The following CEP120 variants were observed in gnomAD, a reference collection of about 807,000 sequenced individuals.
The protein encoded by CEP120 is centrosomal protein 120.
In CEP120, 113 loss-of-function variants were observed where a neutral mutation model predicts 126.5. That is an observed-to-expected ratio of 0.89 (90% CI 0.77 to 1.04). The LOEUF (loss-of-function observed/expected upper bound fraction) is 1.04, where lower values mean the gene tolerates loss of function less well. CEP120 is among the 50% of genes least tolerant of loss of function. The pLI, the probability that CEP120 is intolerant of heterozygous loss-of-function variation, is 0.00. For synonymous variants in CEP120, 400 were observed against 394.3 expected (o/e 1.01, Z -0.17); for missense variants, 1,230 against 1,155.7 (o/e 1.06, Z -0.93).
chr5:123,384,745 G>A (rs1006571307), intron 11 of CEP120, among the ~76,000 whole-genome samples: 1 of 152,130 alleles, frequency 6.6e-6, no homozygotes, highest in Non-Finnish European at 1.5e-5. Context: ...TGACTTCTGT[G>A]AGGTGAAATC....
chr5:123,356,663 T>G (rs1414658530), intron 18 of CEP120, among the ~76,000 whole-genome samples: 2 of 152,120 alleles, frequency 1.3e-5, no homozygotes, highest in African/African-American at 4.8e-5. Context: ...CATTTTTAAC[T>G]CTTTTTTTTA....
At chr5:123,403,556 C>A (rs1056494407) in intron 4 of CEP120, 1 of 321,238 alleles carries the variant, frequency 3.1e-6, no homozygotes, top group Non-Finnish European at 6.0e-6. Context: ...CATAATTTCA[C>A]AATTCTGCCC....
chr5:123,382,735 A>G lies in CEP120; in HGVS notation c.2013+2T>C, dbSNP rs1432128176. On this transcript the variant is annotated splice_donor_variant, in intron 13 of 19. Coordinates refer to ENST00000306467, the MANE Select transcript of CEP120 (RefSeq NM_001375405.1). LOFTEE classifies it high-confidence loss of function. ...TTTTTAAAGTAACATTTAAAAAGTA[A>G]CCTGATTTTCAAATATATCTTCTTG... 1 of 1,609,564 alleles carries G rather than the reference A, an allele frequency of 6.2e-7. No homozygotes were observed. The highest frequency in any genetic ancestry group is 1.7e-5 in the Admixed American group (1 of 59,184).
intron 1 of CEP120, 67 bp from the exon 2 acceptor site, chr5:123,418,582 G>T: frequency 3.7e-5 from 45 of 1,215,060 alleles, no homozygotes; most frequent in Non-Finnish European, 4.0e-5. Context: ...TTTACCATGT[G>T]TTTTTTTGTT....
At position 123,388,512 on chromosome 5, in the gene CEP120, T is replaced by A. The variant is rs773438651; in HGVS notation, c.1350A>T (p.Thr450=). 11 of 1,610,610 alleles carry A rather than the reference T, an allele frequency of 6.8e-6. No homozygotes were observed. The East Asian group carries it at 2.5e-4, about 36-fold the overall frequency. Residue 450 remains threonine (T), a synonymous_variant, in exon 9 of 20, where the codon ACA becomes ACT. Coordinates refer to ENST00000306467, the MANE Select transcript of CEP120 (RefSeq NM_001375405.1). ...ASGQKIAVPA[T]SHHFCFSIDL... Reference sequence around the variant, plus strand: ...CTATTGAAAAGCAAAAATGATGTGATGTTGCTGGTACAGCAATCTTCTGTC... The same window carrying A: ...CTATTGAAAAGCAAAAATGATGTGAAGTTGCTGGTACAGCAATCTTCTGTC...
chr5:123,375,986 CTTGA>C (rs1441577352), intron 16 of CEP120, among the ~76,000 whole-genome samples: 4 of 147,122 alleles, frequency 2.7e-5, no homozygotes, highest in Non-Finnish European at 6.0e-5. Flanking sequence ...TTTTTAACAG[CTTGA>C]TTCTTTTTTT....
At chr5:123,370,784 T>A (rs1380440163) in intron 17 of CEP120, among the ~76,000 whole-genome samples, 1 of 149,336 alleles carries the variant, frequency 6.7e-6, no homozygotes, top group Non-Finnish European at 1.5e-5. Context: ...ATATGTATAT[T>A]TTTCTACAGA....
intron 4 of CEP120, chr5:123,402,479 C>T (rs562901716): frequency 4.0e-5 from 24 of 595,674 alleles, no homozygotes; most frequent in Middle Eastern, 4.8e-4. Context: ...CAGTGGATCT[C>T]GGCTTACTGC....
At chr5:123,378,929 G>A (rs999775604) in intron 14 of CEP120, among the ~76,000 whole-genome samples, 2 of 151,804 alleles carry the variant, frequency 1.3e-5, no homozygotes, top group African/African-American at 4.8e-5. Flanking sequence ...TTGAGGACTG[G>A]GCTGTGGGAC....
rs1418138372 is a variant in CEP120, at chr5:123,414,921, G to A, written c.321+1089C>T. On this transcript the variant is annotated intron_variant, in intron 3 of 19. Coordinates refer to ENST00000306467, the MANE Select transcript of CEP120 (RefSeq NM_001375405.1). The stretch of plus-strand genomic sequence containing the variant: ...CGGGAGTCAGAGCTTGCAGTGAGCC[G>A]AGATCGTGCCACTACACTCCAGCCT... Among the ~76,000 whole-genome samples the A allele has an allele frequency of 1.2e-4, 16 of 136,934 alleles. No homozygotes were observed. In the South Asian group the frequency reaches 2.1e-3, roughly 18 times the overall value. The allele number at this position is 136,934 out of a possible 152,430, so 89.8% of individuals were successfully genotyped here.
chr5:123,382,125 G>C lies in CEP120; in HGVS notation c.2089C>G (p.Leu697Val). 6.3e-7 allele frequency: 1 copy of C among 1,599,296 alleles called. No individual in the cohort carries two copies. The highest frequency in any genetic ancestry group is 8.5e-7 in the Non-Finnish European group (1 of 1,170,958). Residue 697 changes from leucine (L) to valine (V), a missense_variant, in exon 14 of 20, where the codon CTA becomes GTA. Physicochemically the swap from Leu to Val is conservative, Grantham distance 32. Coordinates refer to ENST00000306467, the MANE Select transcript of CEP120 (RefSeq NM_001375405.1). ...CAAGTTATTACCTTTTTCTTTACTA[G>C]TGATTCTCTTTCTCGGTCCCTTTTC... Reference protein sequence around the residue: ...WKKRDRERESLVKKKVAEYTI... With the variant: ...WKKRDRERESVVKKKVAEYTI...
Position 123,391,252 on chromosome 5 carries a change from T to C in CEP120, c.896A>G (p.Asn299Ser), listed in dbSNP as rs1005621618. The change falls in exon 7 of 20, where the codon AAC (asparagine) becomes AGC (serine). Residue 299 changes from asparagine (N) to serine (S), a missense_variant. Asn to Ser is a conservative substitution (Grantham distance 46). Transcript: ENST00000306467. The stretch of plus-strand genomic sequence containing the variant: ...ACCTTCGACTGTGACTGGGTGCTGG[T>C]TGATTTCTGTACTGCCCTTTTTAAG... ...GLLKKGSTEI[N>S]QHPVTVEGAF... The C allele has an allele frequency of 1.7e-5, 27 of 1,614,222 alleles. No homozygotes were observed. The highest frequency in any genetic ancestry group is 8.3e-5 in the Admixed American group (5 of 60,028).
chr5:123,409,284 C>G (rs1773885234), intron 4 of CEP120, among the ~76,000 whole-genome samples: 1 of 152,156 alleles, frequency 6.6e-6, no homozygotes, highest in South Asian at 2.1e-4. Context: ...ACTTCCTCAA[C>G]TTAATAAAGA....
chr5:123,397,456 A>G (rs1772862452), intron 5 of CEP120, among the ~76,000 whole-genome samples: 1 of 152,234 alleles, frequency 6.6e-6, no homozygotes, highest in African/African-American at 2.4e-5. Flanking sequence ...AAGGCAATAG[A>G]TATCTGGCTT....
chr5:123,362,331 T>G (rs1770144436), intron 18 of CEP120, among the ~76,000 whole-genome samples: 1 of 151,734 alleles, frequency 6.6e-6, no homozygotes, highest in Non-Finnish European at 1.5e-5. Flanking sequence ...TCCTAGAAAT[T>G]ATTTCATTCC....
intron 18 of CEP120, among the ~76,000 whole-genome samples, chr5:123,364,096 T>C (rs1459959252): frequency 1.3e-5 from 2 of 151,562 alleles, no homozygotes; most frequent in African/African-American, 4.8e-5. Context: ...TTGACTGAAT[T>C]ACTGTGTCTT....
chr5:123,390,334 A>G, intron 7 of CEP120, 194 bp from the exon 8 acceptor site: 1 of 656,594 alleles, frequency 1.5e-6, no homozygotes, highest in Non-Finnish European at 2.8e-6. Flanking sequence ...CAGAGGAAAT[A>G]TGATATCCAG....
chr5:123,382,040 C>CT, intron 14 of CEP120, 71 bp downstream of exon 14: 2 of 1,090,554 alleles, frequency 1.8e-6, no homozygotes, highest in Non-Finnish European at 2.7e-6. Flanking sequence ...CAGAGACTGT[C>CT]TTTAACGCAA....
chr5:123,387,645 T>C (rs1772115858), intron 9 of CEP120, among the ~76,000 whole-genome samples: 2 of 152,148 alleles, frequency 1.3e-5, no homozygotes, highest in Non-Finnish European at 2.9e-5. Context: ...AAATGAATTC[T>C]ATGAAGAGTG....
Sources: gnomAD v4.1 joint callset for allele counts (sites outside exome capture counted in the v4.1 genomes callset) on GRCh38, gnomAD v4.1.1 for gene constraint, MANE v1.5 for transcripts, NCBI Gene and HGNC (gene_info 2026-07-23, HGNC 2026-07-21) for gene names.